The following PLTP variants were observed in gnomAD, a reference collection of about 807,000 sequenced individuals.
PLTP encodes phospholipid transfer protein.
A neutral mutation model predicts 54.1 loss-of-function variants in PLTP; 43 were observed. That is an observed-to-expected ratio of 0.79 (90% confidence interval 0.62 to 1.02). The LOEUF is 1.02. PLTP is among the 50% of genes least tolerant of loss of function. PLTP has a pLI of 0.00. For synonymous variants in PLTP, 263 were observed against 264.6 expected (o/e 0.99, Z 0.06); for missense variants, 604 against 645.9 (o/e 0.94, Z 0.70).
Position 45,898,824 on chromosome 20 carries a change from C to T in PLTP, c.*117G>A, listed in dbSNP as rs1174786425. 8.4e-6 allele frequency: 10 copies of T among 1,184,574 alleles called. No homozygotes were observed. The highest frequency in any genetic ancestry group is 4.6e-5 in the African/African-American group (3 of 65,364). The allele number at this position is 1,184,574 out of a possible 1,614,324, so 73.4% of individuals were successfully genotyped here. On this transcript the variant is annotated 3_prime_UTR_variant, in exon 16 of 16. Coordinates refer to ENST00000372431, the MANE Select transcript of PLTP (RefSeq NM_006227.4). The surrounding 1 kb of genome is among the most constrained non-coding windows in gnomAD (Gnocchi z 4.6). ...TTAAATTGGGTACAGCTTCAAATCCCGTCTTCTCTGTGGCACTGGGGGTTA... is the reference window on the plus strand; with the variant it reads ...TTAAATTGGGTACAGCTTCAAATCCTGTCTTCTCTGTGGCACTGGGGGTTA...
At chr20:45,908,541 T>C (rs1340003436) in intron 5 of PLTP, among the ~76,000 whole-genome samples, 1 of 152,184 alleles carries the variant, frequency 6.6e-6, no homozygotes, top group Non-Finnish European at 1.5e-5. Flanking sequence ...TGCTCAGGCC[T>C]GTAATCCCAG....
At chr20:45,911,323 C>G (rs1600484895) in intron 2 of PLTP, 30 bp downstream of exon 2, 1 of 1,613,820 alleles carries the variant, frequency 6.2e-7, no homozygotes, top group East Asian at 2.2e-5. Context: ...CGTCCGCTCC[C>G]GTCCGTCCCT....
rs2083286300 is a variant in PLTP at position 45,911,139 on chromosome 20, GC to G, written c.200+12del. On this transcript the variant is annotated intron_variant, in intron 3 of 15. Coordinates refer to ENST00000372431, the MANE Select transcript of PLTP (RefSeq NM_006227.4). Reference sequence around the variant, plus strand: ...GCCCCGCCCCGGATCGCGAGGCCCCGCCCCCCACTTACTCAGAGATGTTGTA... The same window carrying G: ...GCCCCGCCCCGGATCGCGAGGCCCCGCCCCCACTTACTCAGAGATGTTGTA... The G allele has an allele frequency of 6.2e-7, 1 of 1,610,558 alleles. No individual in the cohort carries two copies. The highest frequency in any genetic ancestry group is 8.5e-7 in the Non-Finnish European group (1 of 1,177,106).
intron 10 of PLTP, 100 bp from the exon 11 acceptor site, chr20:45,902,704 G>T: frequency 7.9e-7 from 1 of 1,269,272 alleles, no homozygotes. Context: ...CTGTCCTCTG[G>T]GGACTCTCAT....
intron 10 of PLTP, among the ~76,000 whole-genome samples, chr20:45,902,900 C>T (rs1015364858): frequency 1.3e-5 from 2 of 152,110 alleles, no homozygotes; most frequent in Non-Finnish European, 2.9e-5. Context: ...GTATCTCAGC[C>T]CTTGCCATGT....
intron 12 of PLTP, among the ~76,000 whole-genome samples, chr20:45,900,254 G>A (rs756066047): frequency 1.3e-4 from 19 of 151,730 alleles, no homozygotes; most frequent in African/African-American, 3.9e-4. Context: ...ATAGGTGCCC[G>A]CCACCAAGCC....
intron 5 of PLTP, 27 bp downstream of exon 5, chr20:45,909,489 T>C (rs2083269656): frequency 6.2e-7 from 1 of 1,613,172 alleles, no homozygotes; most frequent in Non-Finnish European, 8.5e-7. Flanking sequence ...TCGAAAAGGG[T>C]GAGCTGGGGT....
chr20:45,907,997 T>C (rs1243975622), intron 5 of PLTP, 93 bp from the exon 6 acceptor site: 3 of 1,125,350 alleles, frequency 2.7e-6, no homozygotes, highest in Non-Finnish European at 3.9e-6. Flanking sequence ...ATAGTGGCAG[T>C]AGGAGTCCTC....
chr20:45,904,709 C>A, intron 10 of PLTP, 91 bp downstream of exon 10: 1 of 1,176,022 alleles, frequency 8.5e-7, no homozygotes, highest in South Asian at 1.2e-5. Context: ...AGGGCCCTGT[C>A]TGCGTGGCTG....
intron 12 of PLTP, among the ~76,000 whole-genome samples, chr20:45,901,407 G>A (rs1421608790): frequency 1.3e-5 from 2 of 152,052 alleles, no homozygotes; most frequent in African/African-American, 4.8e-5. Flanking sequence ...AGACCAGCCT[G>A]GACAACAAAG....
intron 10 of PLTP, among the ~76,000 whole-genome samples, chr20:45,904,589 C>T (rs1169792007): frequency 6.6e-6 from 1 of 152,230 alleles, no homozygotes; most frequent in Non-Finnish European, 1.5e-5. Context: ...CTAATCCTCA[C>T]AGCAGCTCTG....
intron 5 of PLTP, among the ~76,000 whole-genome samples, chr20:45,908,652 AG>A (rs1788824540): frequency 6.6e-6 from 1 of 152,014 alleles, no homozygotes. Context: ...ATACAAAAAA[AG>A]TAGTTGGGCA....
chr20:45,907,375 G>A (rs2083250420), intron 7 of PLTP, among the ~76,000 whole-genome samples: 1 of 151,774 alleles, frequency 6.6e-6, no homozygotes. Flanking sequence ...GGGAATTCAT[G>A]TTAATTGAGC....
intron 12 of PLTP, 26 bp from the exon 13 acceptor site, chr20:45,899,904 G>A (rs921785898): frequency 3.2e-6 from 5 of 1,548,500 alleles, no homozygotes. Flanking sequence ...GAGCCCTGTG[G>A]GCAGGAAGCC....
At chr20:45,910,551 G>A (rs1176616465) in intron 3 of PLTP, among the ~76,000 whole-genome samples, 4 of 151,218 alleles carry the variant, frequency 2.6e-5, no homozygotes, top group Non-Finnish European at 5.9e-5. Context: ...GGATGCGGAG[G>A]TTGCAGTGAG....
intron 12 of PLTP, among the ~76,000 whole-genome samples, chr20:45,901,485 T>C (rs1276666728): frequency 2.0e-5 from 3 of 152,066 alleles, no homozygotes; most frequent in Admixed American, 6.6e-5. Context: ...TCCCAGTTAC[T>C]CGGGAGGCTG....
chr20:45,902,740 C>T, intron 10 of PLTP, 136 bp from the exon 11 acceptor site: 1 of 859,662 alleles, frequency 1.2e-6, no homozygotes, highest in Non-Finnish European at 1.7e-6. Context: ...GGAGCTCTGG[C>T]TTCCAAAACT....
At chr20:45,908,153 T>C (rs2083258542) in intron 5 of PLTP, among the ~76,000 whole-genome samples, 1 of 152,052 alleles carries the variant, frequency 6.6e-6, no homozygotes, top group Non-Finnish European at 1.5e-5. Context: ...TCAAACCCAC[T>C]CTGAGCATCC....
intron 5 of PLTP, among the ~76,000 whole-genome samples, chr20:45,908,236 T>G (rs976911271): frequency 6.6e-6 from 1 of 152,118 alleles, no homozygotes; most frequent in African/African-American, 2.4e-5. Flanking sequence ...CCATCTGAGC[T>G]CAGATGCTTC....
Sources: allele counts gnomAD v4.1 joint callset (sites outside exome capture counted in the v4.1 genomes callset), GRCh38; gene constraint gnomAD v4.1.1; non-coding constraint Gnocchi (gnomAD v3.1); transcripts MANE v1.5; gene names NCBI Gene and HGNC (gene_info 2026-07-23, HGNC 2026-07-21).